CABP1: variants seen among roughly 807,000 people sequenced by gnomAD.
CABP1 encodes calcium-binding protein 1.
In CABP1, 17 loss-of-function variants were observed where a neutral mutation model predicts 34.3. That is an observed-to-expected ratio of 0.50 (90% CI 0.34 to 0.74). The LOEUF (loss-of-function observed/expected upper bound fraction) is 0.74, where lower values mean the gene tolerates loss of function less well. Among genes scored for constraint, CABP1 ranks in the 30% least tolerant of loss-of-function variants. The pLI, the probability that CABP1 is intolerant of heterozygous loss-of-function variation, is 0.01. For synonymous variants in CABP1, 198 were observed against 229.2 expected (o/e 0.86, Z 1.23); for missense variants, 373 against 511.1 (o/e 0.73, Z 2.61).
chr12:120,657,160 C>A (rs929684989), intron 1 of CABP1, among the ~76,000 whole-genome samples: 1 of 152,148 alleles, frequency 6.6e-6, no homozygotes, highest in Non-Finnish European at 1.5e-5. Flanking sequence ...AACTAAGGAA[C>A]TGAATTATGG....
chr12:120,656,863 C>G (rs1880260713), intron 1 of CABP1, among the ~76,000 whole-genome samples: 1 of 152,138 alleles, frequency 6.6e-6, no homozygotes, highest in African/African-American at 2.4e-5. Flanking sequence ...CCATGGCACT[C>G]CAGCCTGGGT....
chr12:120,657,078 A>G (rs541988907), intron 1 of CABP1, among the ~76,000 whole-genome samples: 16 of 152,258 alleles, frequency 1.1e-4, no homozygotes, highest in South Asian at 8.3e-4. Context: ...GAAATATTCT[A>G]AATTCCGTGC....
At chr12:120,675,236 A>G in the CABP1 span, among the ~76,000 whole-genome samples, 1 of 152,128 alleles carries the variant, frequency 6.6e-6, no homozygotes, top group Non-Finnish European at 1.5e-5. Flanking sequence ...TATTTTTAGT[A>G]GAGATGAGGT....
rs1566000772 is a variant in CABP1 at position 120,660,826 on chromosome 12, G to A, written c.925G>A (p.Asp309Asn). 4 of 1,612,348 alleles carry A rather than the reference G, an allele frequency of 2.5e-6. No homozygotes were observed. Among genetic ancestry groups the A allele is most frequent in the Non-Finnish European group, 2.5e-6 (3 of 1,178,350 alleles). The change falls in exon 4 of 6, where the codon GAT becomes AAT. Residue 309 changes from aspartate (D) to asparagine (N), a missense_variant. Around this residue, in one of 4 missense-constraint regions of CABP1, gnomAD observed 109 missense variants for 204.8 expected, o/e 0.53. Transcript: ENST00000316803. This position sits in a 1 kb window ranked among gnomAD's most constrained non-coding sequence, Gnocchi z 5.0. ...ADMIGVKELR[D>N]AFREFDTNGD... ...TATGATTGGTGTAAAGGAACTGCGAGATGCTTTCCGAGAGGTAACGGACAG... is the reference window on the plus strand; with the variant it reads ...TATGATTGGTGTAAAGGAACTGCGAAATGCTTTCCGAGAGGTAACGGACAG...
chr12:120,650,471 G>A, intron 1 of CABP1: 11 of 1,483,422 alleles, frequency 7.4e-6, no homozygotes, highest in East Asian at 4.7e-5. Flanking sequence ...GCAGGCAGAC[G>A]AGTAAGAGAG....
the CABP1 span, among the ~76,000 whole-genome samples, chr12:120,679,573 A>T: frequency 6.6e-6 from 1 of 152,206 alleles, no homozygotes; most frequent in East Asian, 1.9e-4. Context: ...CATGCCTGTA[A>T]TCTCAGCACT....
At chr12:120,680,300 C>T in the CABP1 span, among the ~76,000 whole-genome samples, 2 of 152,088 alleles carry the variant, frequency 1.3e-5, no homozygotes, top group Non-Finnish European at 2.9e-5. Context: ...ATGTGGTGTG[C>T]GTTTCAGGAG....
intron 5 of CABP1, among the ~76,000 whole-genome samples, chr12:120,666,572 T>C (rs982167151): frequency 2.0e-5 from 3 of 148,878 alleles, no homozygotes; most frequent in African/African-American, 7.5e-5. Flanking sequence ...AGCACAGAGG[T>C]TGGGAGTTAG....
At chr12:120,672,267 T>A (rs1416951491), downstream of CABP1, among the ~76,000 whole-genome samples, 4 of 152,086 alleles carry the variant, frequency 2.6e-5, no homozygotes, top group African/African-American at 9.7e-5. Context: ...GTTTTTGACA[T>A]CCACAAACTC....
chr12:120,666,240 G>C (rs961785986), intron 5 of CABP1, among the ~76,000 whole-genome samples: 1 of 150,022 alleles, frequency 6.7e-6, no homozygotes, highest in Non-Finnish European at 1.5e-5. Flanking sequence ...AAGAAGGGAG[G>C]GGGTACAGGT....
Position 120,661,647 on chromosome 12 carries a change from A to C in CABP1, c.1087+429A>C. The C allele has an allele frequency of 6.4e-6, 1 of 155,834 alleles. No individual in the cohort carries two copies. The highest frequency in any genetic ancestry group is 1.8e-4 in the South Asian group (1 of 5,542). The allele number at this position is 155,834 out of a possible 1,614,324, so 9.7% of individuals were successfully genotyped here. A position where few individuals can be genotyped will look rare whatever the true frequency, so the allele number is the denominator to read the frequency against. The stretch of plus-strand genomic sequence containing the variant: ...CATCCATCCATTTATCCATCCATCC[A>C]TCCGTCCATCCATTCGTCTACATAT... On this transcript the variant is annotated intron_variant, in intron 5 of 5. Transcript: ENST00000316803. The surrounding 1 kb of genome is among the most constrained non-coding windows in gnomAD (Gnocchi z 5.1).
In CABP1 at chr12:120,656,095, G is replaced by A. The variant is rs577446843; in HGVS notation, c.655-3783G>A. Reference sequence around the variant, plus strand: ...CATTTGCTTGGTGCTGGCTGAAGATGTGCCAGGAGGAACAGACCAGCTACA... The same window carrying A: ...CATTTGCTTGGTGCTGGCTGAAGATATGCCAGGAGGAACAGACCAGCTACA... On this transcript the variant is annotated intron_variant, in intron 1 of 5. Transcript: ENST00000316803. The A allele has an allele frequency of 3.1e-6, 5 of 1,614,172 alleles. No homozygotes were observed. In the South Asian group the frequency reaches 3.3e-5, roughly 11 times the overall value.
chr12:120,667,807 C>T (rs1881098001), downstream of CABP1, among the ~76,000 whole-genome samples: 1 of 152,070 alleles, frequency 6.6e-6, no homozygotes, highest in African/African-American at 2.4e-5. Context: ...TTATTGAGTA[C>T]CTATTATGTA....
At chr12:120,679,029 C>T in the CABP1 span, among the ~76,000 whole-genome samples, 29 of 146,094 alleles carry the variant, frequency 2.0e-4, no homozygotes, top group Admixed American at 1.9e-3. Context: ...GATGAGATCA[C>T]GCCACTGCAC....
At chr12:120,680,481 C>T in the CABP1 span, among the ~76,000 whole-genome samples, 2 of 152,140 alleles carry the variant, frequency 1.3e-5, no homozygotes, top group Non-Finnish European at 2.9e-5. Context: ...AGCAAACCAG[C>T]CCCAGCTGAA....
At position 120,660,676 on chromosome 12, in the gene CABP1, T is replaced by C. The variant is rs1593168183; in HGVS notation, c.830-55T>C. Reference sequence around the variant, plus strand: ...TTGTCCATTCTGTCAGTTGTCTAGTTGGAGACAGGGAATGGGTATGTCGGG... The same window carrying C: ...TTGTCCATTCTGTCAGTTGTCTAGTCGGAGACAGGGAATGGGTATGTCGGG... On this transcript the variant is annotated intron_variant, in intron 3 of 5. Transcript: ENST00000316803. The surrounding 1 kb of genome is among the most constrained non-coding windows in gnomAD (Gnocchi z 5.0). 2 of 1,213,900 alleles carry C rather than the reference T, an allele frequency of 1.6e-6. No homozygotes were observed. The highest frequency in any genetic ancestry group is 2.5e-6 in the Non-Finnish European group (2 of 816,064). 75.2% of individuals were successfully genotyped at this position (1,213,900 alleles called of 1,614,324 possible). A position where few individuals can be genotyped will look rare whatever the true frequency, so the allele number is the denominator to read the frequency against.
In CABP1 at chr12:120,661,270, G is replaced by A; in HGVS notation, c.1087+52G>A. The stretch of plus-strand genomic sequence containing the variant: ...AAGCAAGCCAGCAGTGGCCATCCAT[G>A]GAGCCCTCCAATTGTGTATCCATCA... On this transcript the variant is annotated intron_variant, in intron 5 of 5. Coordinates refer to ENST00000316803, the MANE Select transcript of CABP1 (RefSeq NM_001033677.2). The surrounding 1 kb of genome is among the most constrained non-coding windows in gnomAD (Gnocchi z 5.1). 2 of 1,579,268 alleles carry A rather than the reference G, an allele frequency of 1.3e-6. No homozygotes were observed. Among genetic ancestry groups the A allele is most frequent in the Non-Finnish European group, 1.7e-6 (2 of 1,169,378 alleles).
At chr12:120,668,820 CA>C (rs1047723165), downstream of CABP1, among the ~76,000 whole-genome samples, 8 of 152,214 alleles carry the variant, frequency 5.3e-5, no homozygotes, top group Admixed American at 5.2e-4. Context: ...CGTACTTGGG[CA>C]GGTGTGTGGG....
downstream of CABP1, among the ~76,000 whole-genome samples, chr12:120,670,603 C>T (rs1283979692): frequency 1.3e-5 from 2 of 152,110 alleles, no homozygotes; most frequent in African/African-American, 4.8e-5. Context: ...CAAAAATTAG[C>T]CAGATGTGGC....
Sources: allele counts gnomAD v4.1 joint callset (sites outside exome capture counted in the v4.1 genomes callset), GRCh38; gene constraint gnomAD v4.1.1; regional missense constraint gnomAD v4.1.1; non-coding constraint Gnocchi (gnomAD v3.1); transcripts MANE v1.5; gene names NCBI Gene and HGNC (gene_info 2026-07-23, HGNC 2026-07-21).